The following CSNK1G3 variants were observed in gnomAD, a reference collection of about 807,000 sequenced individuals.
CSNK1G3 encodes the protein casein kinase 1 gamma 3.
A neutral mutation model predicts 64.3 loss-of-function variants in CSNK1G3; 23 were observed. That is an observed-to-expected ratio of 0.36 (90% CI 0.26 to 0.51). CSNK1G3 has a LOEUF of 0.51. CSNK1G3 is among the 20% of genes least tolerant of loss of function. CSNK1G3 has a pLI of 0.96. For missense variants in CSNK1G3, 357 were observed against 510.5 expected, an observed-to-expected ratio of 0.70 and a Z score of 2.90; for synonymous variants, 158 against 162.2, an observed-to-expected ratio of 0.97 and a Z score of 0.20.
intron 6 of CSNK1G3, among the ~76,000 whole-genome samples, chr5:123,580,307 G>GT (rs1789998993): frequency 6.6e-6 from 1 of 151,918 alleles, no homozygotes; most frequent in Non-Finnish European, 1.5e-5. Context: ...ATATGGGTTT[G>GT]TAAGTATTTT....
intron 12 of CSNK1G3, among the ~76,000 whole-genome samples, chr5:123,606,151 G>A (rs1795325585): frequency 6.6e-6 from 1 of 151,868 alleles, no homozygotes; most frequent in African/African-American, 2.4e-5. Context: ...AACTTTTGTG[G>A]ATTTTTTTTT....
intron 1 of CSNK1G3, among the ~76,000 whole-genome samples, chr5:123,518,783 T>A (rs923485880): frequency 2.0e-5 from 3 of 152,068 alleles, no homozygotes; most frequent in African/African-American, 7.2e-5. Context: ...TTTAAAAAAA[T>A]TGTGGGAAGG....
chr5:123,550,528 A>C (rs373435124), intron 2 of CSNK1G3, among the ~76,000 whole-genome samples: 1 of 152,208 alleles, frequency 6.6e-6, no homozygotes, highest in Non-Finnish European at 1.5e-5. Flanking sequence ...GAGAATGGCT[A>C]TTGGTGGGTA....
Position 123,575,724 on chromosome 5 carries a change from C to T in CSNK1G3, c.439-5C>T. Reference sequence around the variant, plus strand: ...AAACTTCTCTTCTTTTTTTCTTAAACCAAGATTTCTCGCATGGAATATGTC... The same window carrying T: ...AAACTTCTCTTCTTTTTTTCTTAAATCAAGATTTCTCGCATGGAATATGTC... On this transcript the variant is annotated splice_region_variant and splice_polypyrimidine_tract_variant and intron_variant, in intron 5 of 12. Coordinates refer to ENST00000345990, the Ensembl canonical transcript of CSNK1G3. The T allele has an allele frequency of 6.3e-7, 1 of 1,597,482 alleles. No individual in the cohort carries two copies. The highest frequency in any genetic ancestry group is 8.6e-7 in the Non-Finnish European group (1 of 1,168,294).
chr5:123,555,571 T>A (rs1413267417), intron 3 of CSNK1G3, among the ~76,000 whole-genome samples: 1 of 152,190 alleles, frequency 6.6e-6, no homozygotes, highest in East Asian at 1.9e-4. Context: ...ACAAAGATTT[T>A]TTACATTTAT....
chr5:123,552,135 A>G (rs1488148054), intron 2 of CSNK1G3, among the ~76,000 whole-genome samples: 2 of 142,624 alleles, frequency 1.4e-5, no homozygotes, highest in African/African-American at 5.5e-5. Context: ...AAATCTGTAT[A>G]AAACGTTATG....
At chr5:123,611,978 G>A (rs1362254653) in intron 12 of CSNK1G3, among the ~76,000 whole-genome samples, 1 of 152,178 alleles carries the variant, frequency 6.6e-6, no homozygotes, top group Non-Finnish European at 1.5e-5. Context: ...GTAGCTGACA[G>A]TTAAAAATAA....
At chr5:123,576,830 ATGT>A (rs978303982) in intron 6 of CSNK1G3, among the ~76,000 whole-genome samples, 8 of 152,200 alleles carry the variant, frequency 5.3e-5, no homozygotes, top group Admixed American at 2.6e-4. Context: ...TTATGTAAAC[ATGT>A]TGTTCCTCAT....
chr5:123,575,966 A>G lies in CSNK1G3; in HGVS notation c.673+3A>G, dbSNP rs558847767. 2.1e-4 allele frequency: 338 copies of G among 1,582,502 alleles called. 9 individuals are homozygous for G. The South Asian group carries it at 3.1e-3, about 15-fold the overall frequency. On this transcript the variant is annotated splice_donor_region_variant and intron_variant, in intron 6 of 12. Coordinates refer to ENST00000345990, the Ensembl canonical transcript of CSNK1G3. ...CATAAACACACATTTAGGAAAAGGT[A>G]TGTGTACCTTTCGTAAGTATGGAAG...
At chr5:123,613,630 T>C (rs201325589) in intron 12 of CSNK1G3, among the ~76,000 whole-genome samples, 2 of 151,978 alleles carry the variant, frequency 1.3e-5, no homozygotes, top group African/African-American at 4.8e-5. Flanking sequence ...CCTCGGCCTC[T>C]CAAAGTGCTG....
intron 4 of CSNK1G3, among the ~76,000 whole-genome samples, chr5:123,569,976 TG>T (rs1787750812): frequency 6.6e-6 from 1 of 152,204 alleles, no homozygotes; most frequent in Non-Finnish European, 1.5e-5. Context: ...TTAAGGTTTT[TG>T]CCATTTCTTC....
At chr5:123,571,388 A>ATTC (rs1788072990) in intron 4 of CSNK1G3, among the ~76,000 whole-genome samples, 1 of 152,008 alleles carries the variant, frequency 6.6e-6, no homozygotes, top group Admixed American at 6.6e-5. Context: ...GGTTCAAGTG[A>ATTC]TTCTCCTACC....
At chr5:123,572,883 G>T (rs116563777) in intron 4 of CSNK1G3, among the ~76,000 whole-genome samples, 2 of 152,194 alleles carry the variant, frequency 1.3e-5, no homozygotes, top group Admixed American at 1.3e-4. Context: ...GTATAAGTTA[G>T]CCTGGTCACA....
At chr5:123,576,767 C>T (rs4546375) in intron 6 of CSNK1G3, among the ~76,000 whole-genome samples, 34,199 of 151,874 alleles carry the variant, frequency 0.23, 4,105 homozygotes, top group African/African-American at 0.28. Flanking sequence ...CTTGCTTGGA[C>T]GATATCTGCC....
intron 8 of CSNK1G3, among the ~76,000 whole-genome samples, chr5:123,590,022 ACCGG>A (rs1792052240): frequency 2.0e-5 from 3 of 152,082 alleles, no homozygotes; most frequent in Non-Finnish European, 4.4e-5. Context: ...ATCAGTTCTC[ACCGG>A]TATTTTAAAT....
At chr5:123,526,880 G>GTA (rs1165338949) in intron 1 of CSNK1G3, among the ~76,000 whole-genome samples, 14 of 114,610 alleles carry the variant, frequency 1.2e-4, no homozygotes, top group Admixed American at 1.2e-3. Context: ...GTGTGTGTGT[G>GTA]TATGAACATA....
chr5:123,564,862 T>G (rs1306806820), intron 4 of CSNK1G3, among the ~76,000 whole-genome samples: 1 of 152,186 alleles, frequency 6.6e-6, no homozygotes, highest in Non-Finnish European at 1.5e-5. Flanking sequence ...CACCTGTTGG[T>G]TCATAGCAGC....
At chr5:123,543,322 T>C (rs1344443281) in intron 1 of CSNK1G3, among the ~76,000 whole-genome samples, 2 of 152,114 alleles carry the variant, frequency 1.3e-5, no homozygotes, top group East Asian at 3.9e-4. Flanking sequence ...CTGAGCTGAA[T>C]GCCTGGGATA....
rs542852353 is a variant in CSNK1G3 at position 123,589,124 on chromosome 5, G to A, written c.844+613G>A. ...AAGATAATGACTGTGATTTATTTGT[G>A]CAGCCACATTAAGTGAAAAGAGAGC... On this transcript the variant is annotated intron_variant, in intron 8 of 12. Coordinates refer to ENST00000345990, the Ensembl canonical transcript of CSNK1G3. Among the ~76,000 whole-genome samples the A allele has an allele frequency of 1.9e-3, 293 of 152,198 alleles. 1 individual carries two copies. The highest frequency in any genetic ancestry group is 6.7e-3 in the African/African-American group (279 of 41,542).
Sources: allele counts gnomAD v4.1 joint callset (sites outside exome capture counted in the v4.1 genomes callset), GRCh38; gene constraint gnomAD v4.1.1; transcripts MANE v1.5; gene names NCBI Gene and HGNC (gene_info 2026-07-23, HGNC 2026-07-21).